KLKB1: variants seen among roughly 807,000 people sequenced by gnomAD.
The protein encoded by KLKB1 is plasma kallikrein.
In KLKB1, 58 loss-of-function variants were observed where a neutral mutation model predicts 73.6. The ratio of observed to expected loss-of-function variants is 0.79; its 90% confidence interval spans 0.64 to 0.98. The LOEUF (loss-of-function observed/expected upper bound fraction) is 0.98. Ranked by LOEUF, KLKB1 falls within the 50% of genes least tolerant of loss-of-function variation. The probability of loss-of-function intolerance (pLI) is 0.00; values close to 1 mark genes in which losing one functional copy is unlikely to be tolerated. For missense variants in KLKB1, 737 were observed against 763.8 expected (o/e 0.96, Z 0.41); for synonymous variants, 280 against 258.1 (o/e 1.08, Z -0.81).
intron 2 of KLKB1, among the ~76,000 whole-genome samples, chr4:186,229,714 A>G (rs919409463): frequency 2.0e-5 from 3 of 152,204 alleles, no homozygotes; most frequent in African/African-American, 7.2e-5. Flanking sequence ...CAACTCTAAC[A>G]GGCTTCTGTT....
chr4:186,236,422 G>C (rs958812256), intron 4 of KLKB1, among the ~76,000 whole-genome samples: 10 of 152,126 alleles, frequency 6.6e-5, no homozygotes, highest in African/African-American at 2.4e-4. Context: ...CTTTAATAAT[G>C]CAAACCTCAG....
At chr4:186,223,419 T>C (rs902059089), upstream of KLKB1, among the ~76,000 whole-genome samples, 3 of 152,210 alleles carry the variant, frequency 2.0e-5, no homozygotes, top group African/African-American at 7.2e-5. Flanking sequence ...AAAATGCTGA[T>C]AGTCGTATTG....
At chr4:186,214,802 CT>C (rs1346102771) in intron 2 of KLKB1, among the ~76,000 whole-genome samples, 1 of 152,192 alleles carries the variant, frequency 6.6e-6, no homozygotes, top group Non-Finnish European at 1.5e-5. Context: ...GCCTCAGTTT[CT>C]TGTCCAGAAG....
Position 186,257,298 on chromosome 4 carries a change from A to C in KLKB1, c.1658A>C (p.Gln553Pro). ...AATGAAGAATGCCAGAAAAGATATC[A>C]AGATTATAAAATAACCCAACGGATG... is the stretch of plus-strand genomic sequence containing the variant. The part of the protein sequence containing the change: ...VTNEECQKRY[Q>P]DYKITQRMVC... Residue 553 changes from glutamine to proline, a missense_variant, in exon 14 of 15, where the codon CAA (glutamine) becomes CCA (proline). Physicochemically the swap from Gln to Pro is moderately conservative, Grantham distance 76. Transcript: ENST00000264690. 1 of 1,604,106 alleles carries C rather than the reference A, an allele frequency of 6.2e-7. No homozygotes were observed. Among genetic ancestry groups the C allele is most frequent in the Non-Finnish European group, 8.5e-7 (1 of 1,173,496 alleles).
intron 6 of KLKB1, among the ~76,000 whole-genome samples, chr4:186,247,436 G>C (rs888406968): frequency 1.3e-5 from 2 of 152,106 alleles, no homozygotes; most frequent in African/African-American, 2.4e-5. Flanking sequence ...GGTGCTCAGT[G>C]GGGGAGCTTC....
chr4:186,243,261 G>A (rs555894490), intron 6 of KLKB1, among the ~76,000 whole-genome samples: 69 of 152,286 alleles, frequency 4.5e-4, no homozygotes, highest in African/African-American at 1.6e-3. Flanking sequence ...GGAAAAGTGA[G>A]GTTTTAAGAG....
chr4:186,220,489 T>C (rs1051164042), intron 2 of KLKB1, among the ~76,000 whole-genome samples: 1 of 152,226 alleles, frequency 6.6e-6, no homozygotes, highest in Non-Finnish European at 1.5e-5. Context: ...CTCCCCATAC[T>C]CTGGCTACCA....
intron 2 of KLKB1, among the ~76,000 whole-genome samples, chr4:186,218,448 G>C (rs1460555694): frequency 6.6e-6 from 1 of 152,128 alleles, no homozygotes; most frequent in Non-Finnish European, 1.5e-5. Flanking sequence ...TGCATAAACT[G>C]TGTGACCCTA....
chr4:186,258,194 G>A lies in KLKB1; in HGVS notation c.1899G>A (p.Gln633=). The change falls in exon 15 of 15, where the codon CAG becomes CAA. Residue 633 remains glutamine, a synonymous_variant. Coordinates refer to ENST00000264690, the MANE Select transcript of KLKB1 (RefSeq NM_000892.5). The part of the protein sequence containing the change: ...EKTQSSDGKA[Q]MQSPA ...CACAGAGCAGTGATGGAAAAGCTCA[G>A]ATGCAGTCACCAGCATGAGAAGCAG... The A allele has an allele frequency of 6.2e-7, 1 of 1,614,098 alleles. No homozygotes were observed. The highest frequency in any genetic ancestry group is 8.5e-7 in the Non-Finnish European group (1 of 1,180,008).
chr4:186,236,039 G>A (rs1304138264), intron 4 of KLKB1, among the ~76,000 whole-genome samples: 13 of 149,680 alleles, frequency 8.7e-5, no homozygotes, highest in Non-Finnish European at 1.5e-4. Context: ...GCGTGAACCC[G>A]GGAGGCGGAG....
intron 6 of KLKB1, among the ~76,000 whole-genome samples, chr4:186,246,107 G>T (rs538775158): frequency 6.6e-6 from 1 of 152,004 alleles, no homozygotes; most frequent in Non-Finnish European, 1.5e-5. Flanking sequence ...AGGGCTAGTC[G>T]TGGAATGAAA....
chr4:186,245,481 A>G lies in KLKB1; in HGVS notation c.599-4762A>G, dbSNP rs567897525. ...AGGCCAGTTAGACAGTCCGATTTCT[A>G]GTGGGGTCCCACACAGATGAGACAC... On this transcript the variant is annotated intron_variant, in intron 6 of 14. Transcript: ENST00000264690. 3.3e-5 allele frequency among the ~76,000 whole-genome samples: 5 copies of G among 152,338 alleles called. No individual in the cohort carries two copies. The East Asian group carries it at 9.7e-4, about 29-fold the overall frequency.
intron 6 of KLKB1, among the ~76,000 whole-genome samples, chr4:186,238,894 AGAG>A (rs1362201152): frequency 1.5e-4 from 23 of 151,102 alleles, no homozygotes; most frequent in African/African-American, 5.4e-4. Flanking sequence ...TGATACTGTT[AGAG>A]TTATAGGACA....
intron 14 of KLKB1, 105 bp from the exon 15 acceptor site, chr4:186,257,912 CTGTG>C (rs4253389): frequency 7.3e-6 from 7 of 957,628 alleles, no homozygotes; most frequent in African/African-American, 3.2e-5. Context: ...ATGAAAGTAT[CTGTG>C]TGTGTGTGTT....
At chr4:186,250,170 A>T in intron 6 of KLKB1, 73 bp from the exon 7 acceptor site, 1 of 1,341,224 alleles carries the variant, frequency 7.5e-7, no homozygotes, top group Non-Finnish European at 1.1e-6. Flanking sequence ...TTCCTTAACT[A>T]TGGTGACAAA....
chr4:186,250,444 A>G (rs1198508531), intron 7 of KLKB1, 42 bp downstream of exon 7: 2 of 1,599,208 alleles, frequency 1.3e-6, no homozygotes, highest in South Asian at 1.1e-5. Flanking sequence ...GCGAGTATGC[A>G]TGGGGAGCAC....
At chr4:186,235,942 C>T (rs896045494) in intron 4 of KLKB1, among the ~76,000 whole-genome samples, 3 of 151,532 alleles carry the variant, frequency 2.0e-5, no homozygotes, top group African/African-American at 4.8e-5. Flanking sequence ...GGTGAAACCC[C>T]GTCTCTACTA....
upstream of KLKB1, among the ~76,000 whole-genome samples, chr4:186,225,602 T>G (rs1026207202): frequency 6.6e-6 from 1 of 151,748 alleles, no homozygotes; most frequent in African/African-American, 2.4e-5. Flanking sequence ...TGGCTAAATT[T>G]TTTTTGTATT....
chr4:186,236,092 C>T (rs1411636860), intron 4 of KLKB1, among the ~76,000 whole-genome samples: 54 of 78,438 alleles, frequency 6.9e-4, no homozygotes, highest in Non-Finnish European at 9.6e-4. Flanking sequence ...CCAGCCTGGG[C>T]GACAGAGCGA....
Sources: gnomAD v4.1 joint callset for allele counts (sites outside exome capture counted in the v4.1 genomes callset) on GRCh38, gnomAD v4.1.1 for gene constraint, MANE v1.5 for transcripts, NCBI Gene and HGNC (gene_info 2026-07-23, HGNC 2026-07-21) for gene names.